FOXP1: variants seen among roughly 807,000 people sequenced by gnomAD.
FOXP1 encodes the protein forkhead box P1.
Under a neutral mutation model 98.2 loss-of-function variants are expected in FOXP1, and 15 were observed. That is an observed-to-expected ratio of 0.15 (90% CI 0.10 to 0.24). The LOEUF is 0.24. Among genes scored for constraint, FOXP1 ranks in the 10% least tolerant of loss-of-function variants. The probability of loss-of-function intolerance (pLI) is 1.00; values close to 1 mark genes in which losing one functional copy is unlikely to be tolerated. For missense variants in FOXP1, 633 were observed against 848.5 expected (o/e 0.75, Z 3.15); for synonymous variants, 371 against 314.5 (o/e 1.18, Z -1.90).
At chr3:71,230,547 C>T (rs73108295) in intron 5 of FOXP1, among the ~76,000 whole-genome samples, 3 of 152,160 alleles carry the variant, frequency 2.0e-5, no homozygotes, top group African/African-American at 7.2e-5. Context: ...CAAAGTGCAA[C>T]TACCATCCAA....
chr3:71,447,241 A>G (rs2086532963), intron 3 of FOXP1, among the ~76,000 whole-genome samples: 2 of 152,250 alleles, frequency 1.3e-5, no homozygotes, highest in African/African-American at 2.4e-5. Flanking sequence ...ATGTCTACAC[A>G]TACAGCAAGA....
rs574817781 is a variant in FOXP1 at position 70,970,630 on chromosome 3, A to C, written c.1722+106T>G. 6 of 996,826 alleles carry C rather than the reference A, an allele frequency of 6.0e-6. No individual in the cohort carries two copies. The East Asian group carries it at 1.4e-4, about 24-fold the overall frequency. 61.7% of individuals were successfully genotyped at this position (996,826 alleles called of 1,614,324 possible). On this transcript the variant is annotated intron_variant, in intron 19 of 20. Coordinates refer to ENST00000649528, the MANE Select transcript of FOXP1 (RefSeq NM_001349338.3). Reference sequence around the variant, plus strand: ...TTTGTGCACTTAAGAAAAAAGTTTAACGGAATTAAAATTTAATATCTAATT... The same window carrying C: ...TTTGTGCACTTAAGAAAAAAGTTTACCGGAATTAAAATTTAATATCTAATT...
At chr3:71,065,901 G>C (rs2052427875) in intron 7 of FOXP1, 1 of 151,910 alleles carries the variant, frequency 6.6e-6, no homozygotes, top group Non-Finnish European at 1.5e-5. Context: ...TAAGCGTCAG[G>C]TTAATCTAGT....
chr3:71,582,487 C>G (rs1291507059), intron 1 of FOXP1: 2 of 985,306 alleles, frequency 2.0e-6, no homozygotes, highest in Non-Finnish European at 1.2e-6. Context: ...GGGAGGAAGG[C>G]TGCGCGCAAG....
chr3:71,578,994 A>G (rs1205615212), intron 2 of FOXP1, among the ~76,000 whole-genome samples: 1 of 152,236 alleles, frequency 6.6e-6, no homozygotes, highest in East Asian at 1.9e-4. Flanking sequence ...TTAATTATAC[A>G]ATAAAGGTAT....
intron 3 of FOXP1, among the ~76,000 whole-genome samples, chr3:71,473,547 T>C (rs1360935318): frequency 6.6e-6 from 1 of 152,076 alleles, no homozygotes; most frequent in Non-Finnish European, 1.5e-5. Context: ...AAACCACCTA[T>C]AACCCAAGGA....
chr3:71,234,870 G>C (rs2066643108), intron 5 of FOXP1, among the ~76,000 whole-genome samples: 1 of 152,132 alleles, frequency 6.6e-6, no homozygotes, highest in Admixed American at 6.5e-5. Context: ...GCAGCTTCAG[G>C]GCAGAACAGG....
intron 7 of FOXP1, among the ~76,000 whole-genome samples, chr3:71,094,492 C>T (rs1267931474): frequency 6.6e-6 from 1 of 151,990 alleles, no homozygotes; most frequent in Admixed American, 6.6e-5. Context: ...TTTGATCTTT[C>T]CCCAACCATT....
chr3:71,192,317 C>A (rs1013821178), intron 6 of FOXP1, among the ~76,000 whole-genome samples: 31 of 152,184 alleles, frequency 2.0e-4, no homozygotes, highest in Non-Finnish European at 3.5e-4. Flanking sequence ...TACCATATAA[C>A]CTGCGTCATT....
chr3:71,298,837 A>G (rs1467854177), intron 5 of FOXP1, among the ~76,000 whole-genome samples: 2 of 152,242 alleles, frequency 1.3e-5, no homozygotes, highest in Non-Finnish European at 2.9e-5. Flanking sequence ...GTTCCACAAA[A>G]AACTCTGTTC....
intron 3 of FOXP1, among the ~76,000 whole-genome samples, chr3:71,453,416 G>C (rs1028716535): frequency 6.6e-6 from 1 of 152,098 alleles, no homozygotes; most frequent in Non-Finnish European, 1.5e-5. Context: ...TGAATATTTT[G>C]AGACCTGGTT....
At chr3:71,555,391 A>G (rs141671729) in intron 2 of FOXP1, among the ~76,000 whole-genome samples, 1 of 152,326 alleles carries the variant, frequency 6.6e-6, no homozygotes, top group Non-Finnish European at 1.5e-5. Flanking sequence ...TCTTTCACAG[A>G]GCACCATATA....
At chr3:71,158,276 G>GGTA (rs2108119021) in intron 6 of FOXP1, among the ~76,000 whole-genome samples, 1 of 152,164 alleles carries the variant, frequency 6.6e-6, no homozygotes, top group Admixed American at 6.5e-5. Context: ...GGAGAAGTCA[G>GGTA]GTAGTAGATC....
intron 6 of FOXP1, among the ~76,000 whole-genome samples, chr3:71,142,295 C>CT (rs1409151012): frequency 6.6e-6 from 1 of 152,180 alleles, no homozygotes; most frequent in African/African-American, 2.4e-5. Context: ...CCTTACATTC[C>CT]TATGCCTGGT....
At chr3:71,099,128 A>G (rs1374257610) in intron 7 of FOXP1, among the ~76,000 whole-genome samples, 3 of 152,212 alleles carry the variant, frequency 2.0e-5, no homozygotes, top group Non-Finnish European at 4.4e-5. Context: ...GATGGTCCAC[A>G]TTACACAGCT....
At chr3:71,123,353 CTG>C (rs1249841931) in intron 6 of FOXP1, among the ~76,000 whole-genome samples, 2 of 152,190 alleles carry the variant, frequency 1.3e-5, no homozygotes, top group Non-Finnish European at 2.9e-5. Flanking sequence ...CTCTCGCACG[CTG>C]TGTTTTCACC....
At chr3:71,087,962 C>T (rs548786211) in intron 7 of FOXP1, among the ~76,000 whole-genome samples, 10 of 152,256 alleles carry the variant, frequency 6.6e-5, no homozygotes, top group South Asian at 2.1e-4. Context: ...GACTAGGCCA[C>T]GGCATAATGT....
intron 3 of FOXP1, among the ~76,000 whole-genome samples, chr3:71,474,816 T>C (rs538971133): frequency 1.3e-4 from 20 of 152,140 alleles, no homozygotes; most frequent in African/African-American, 4.8e-4. Context: ...AAGGTAATAA[T>C]AATGAAAATA....
chr3:71,463,498 T>A (rs2088373477), intron 3 of FOXP1, among the ~76,000 whole-genome samples: 1 of 151,444 alleles, frequency 6.6e-6, no homozygotes, highest in Admixed American at 6.6e-5. Context: ...CATCCCACAC[T>A]AAGGAGCTGT....
Sources: gnomAD v4.1 joint callset for allele counts (sites outside exome capture counted in the v4.1 genomes callset) on GRCh38, gnomAD v4.1.1 for gene constraint, MANE v1.5 for transcripts, NCBI Gene and HGNC (gene_info 2026-07-23, HGNC 2026-07-21) for gene names.